Variants in ENTREP1 observed in about 807,000 individuals in gnomAD.
ENTREP1 encodes endosomal transmembrane epsin interactor 1.
At chr9:69,385,763 CTTT>C in the ENTREP1 span, 313,134 of 1,178,288 alleles carry the variant, frequency 0.27, 6,799 homozygotes, top group Non-Finnish European at 0.28. Flanking sequence ...TGTTTCGCCT[CTTT>C]TTTTTTTTTT....
At chr9:69,360,661 C>T in the ENTREP1 span, among the ~76,000 whole-genome samples, 2 of 152,128 alleles carry the variant, frequency 1.3e-5, no homozygotes, top group African/African-American at 2.4e-5. Flanking sequence ...AGCCTTTTGA[C>T]TTGCTCTATC....
the ENTREP1 span, among the ~76,000 whole-genome samples, chr9:69,338,730 A>G: frequency 0.067 from 10,189 of 152,260 alleles, 467 homozygotes; most frequent in South Asian, 0.21. Flanking sequence ...TCAGGTTTCC[A>G]TGTATGAGGA....
chr9:69,389,906 A>G, the ENTREP1 span, among the ~76,000 whole-genome samples: 1 of 152,240 alleles, frequency 6.6e-6, no homozygotes, highest in Non-Finnish European at 1.5e-5. Context: ...ATTTTGGGCC[A>G]TCTCCTGGGC....
At chr9:69,359,163 C>T in the ENTREP1 span, among the ~76,000 whole-genome samples, 1 of 152,118 alleles carries the variant, frequency 6.6e-6, no homozygotes, top group African/African-American at 2.4e-5. Context: ...GCCTCAGCCT[C>T]CTAAAGTGCT....
the ENTREP1 span, chr9:69,377,403 C>G: frequency 1.9e-6 from 3 of 1,614,014 alleles, no homozygotes; most frequent in Non-Finnish European, 2.5e-6. Flanking sequence ...CTTGAATGCC[C>G]TGACCACCAC....
chr9:69,325,360 T>C, the ENTREP1 span: 1 of 1,176,060 alleles, frequency 8.5e-7, no homozygotes, highest in Non-Finnish European at 1.1e-6. Context: ...TGGCTGGGCT[T>C]TCGGGTGGGC....
chr9:69,341,266 A>G, the ENTREP1 span, among the ~76,000 whole-genome samples: 16 of 152,268 alleles, frequency 1.1e-4, no homozygotes, highest in African/African-American at 3.9e-4. Flanking sequence ...TAGCATCAAC[A>G]ATGAAGGTTC....
chr9:69,372,242 C>G, the ENTREP1 span, among the ~76,000 whole-genome samples: 1 of 152,278 alleles, frequency 6.6e-6, no homozygotes, highest in East Asian at 1.9e-4. Context: ...TTTAAGTCTA[C>G]AGTTCAGTAG....
At chr9:69,342,999 T>C in the ENTREP1 span, among the ~76,000 whole-genome samples, 1 of 152,242 alleles carries the variant, frequency 6.6e-6, no homozygotes, top group Non-Finnish European at 1.5e-5. Context: ...GGCAGTACCT[T>C]GTTTTGCAGA....
At chr9:69,335,003 A>G in the ENTREP1 span, among the ~76,000 whole-genome samples, 3 of 151,782 alleles carry the variant, frequency 2.0e-5, no homozygotes, top group African/African-American at 4.8e-5. Flanking sequence ...CAGGCAGTCC[A>G]CCTGCCTCGG....
the ENTREP1 span, chr9:69,325,653 G>A: frequency 8.1e-7 from 1 of 1,231,396 alleles, no homozygotes; most frequent in African/African-American, 1.6e-5. Flanking sequence ...GTGGCGCTCA[G>A]CTTCGGGGCG....
the ENTREP1 span, among the ~76,000 whole-genome samples, chr9:69,367,677 A>ATG: frequency 1.5e-5 from 2 of 132,236 alleles, no homozygotes; most frequent in African/African-American, 5.4e-5. Flanking sequence ...ACACACATAT[A>ATG]TAAATATATA....
chr9:69,356,081 A>C, the ENTREP1 span, among the ~76,000 whole-genome samples: 2 of 152,216 alleles, frequency 1.3e-5, no homozygotes, highest in African/African-American at 4.8e-5. Context: ...CATCTCCAGA[A>C]CTTTTTCATC....
the ENTREP1 span, among the ~76,000 whole-genome samples, chr9:69,348,164 G>C: frequency 2.0e-5 from 3 of 152,110 alleles, no homozygotes; most frequent in South Asian, 6.2e-4. Context: ...ACCCAGGCTG[G>C]AGTGCAGTGG....
chr9:69,366,502 G>A, the ENTREP1 span, among the ~76,000 whole-genome samples: 77 of 150,826 alleles, frequency 5.1e-4, no homozygotes, highest in Non-Finnish European at 2.8e-4. Context: ...TCTTCACTCC[G>A]TTGATTGTTT....
the ENTREP1 span, among the ~76,000 whole-genome samples, chr9:69,328,287 T>A: frequency 2.0e-5 from 3 of 152,240 alleles, no homozygotes; most frequent in Non-Finnish European, 4.4e-5. Context: ...AAATCTCAGG[T>A]GTCACATTTC....
chr9:69,373,212 A>G, the ENTREP1 span, among the ~76,000 whole-genome samples: 1 of 152,278 alleles, frequency 6.6e-6, no homozygotes, highest in South Asian at 2.1e-4. Context: ...CTGGATAACA[A>G]TTTGGCCATG....
chr9:69,341,912 G>A, the ENTREP1 span, among the ~76,000 whole-genome samples: 1 of 151,982 alleles, frequency 6.6e-6, no homozygotes, highest in Non-Finnish European at 1.5e-5. Flanking sequence ...TGACCCAAAA[G>A]TCAAGAGATT....
chr9:69,392,206 C>A, the ENTREP1 span: 1 of 216,016 alleles, frequency 4.6e-6, no homozygotes, highest in Non-Finnish European at 9.3e-6. Flanking sequence ...TTATAGTTGC[C>A]TTTGGCCTTT....
Sources: allele counts gnomAD v4.1 joint callset (sites outside exome capture counted in the v4.1 genomes callset), GRCh38; gene constraint gnomAD v4.1.1; transcripts MANE v1.5; gene names NCBI Gene and HGNC (gene_info 2026-07-23, HGNC 2026-07-21).